Variants in DPYSL2 observed in about 807,000 individuals in gnomAD.
DPYSL2 encodes dihydropyrimidinase-related protein 2.
DPYSL2 carries 13 observed loss-of-function variants against 69.9 expected under a neutral mutation model. The ratio of observed to expected loss-of-function variants is 0.19; its 90% CI spans 0.12 to 0.30. The LOEUF is 0.30. DPYSL2 is among the 10% of genes least tolerant of loss of function. The pLI is 1.00. For missense variants in DPYSL2, 587 were observed against 918.9 expected, an observed-to-expected ratio of 0.64 and a Z score of 4.67; for synonymous variants, 326 against 359.1, an observed-to-expected ratio of 0.91 and a Z score of 1.04.
rs565046555 is a variant in DPYSL2 at position 26,562,990 on chromosome 8, G to A, written c.355-18979G>A. The stretch of plus-strand genomic sequence containing the variant: ...TTCAGCTTCTTTACAGCATGGTGGC[G>A]TTAGGGTAGCTGGATTTCCCACACC... On this transcript the variant is annotated intron_variant, in intron 1 of 13. Transcript: ENST00000521913. This position sits in a 1 kb window ranked among gnomAD's most constrained non-coding sequence, Gnocchi z 4.9. Among the ~76,000 whole-genome samples, 75 of 152,112 alleles carry A rather than the reference G, an allele frequency of 4.9e-4. No individual in the cohort carries two copies. Among genetic ancestry groups the A allele is most frequent in the Middle Eastern group, 3.2e-3 (1 of 316 alleles).
chr8:26,574,690 T>A (rs2129700868), intron 1 of DPYSL2, among the ~76,000 whole-genome samples: 1 of 152,332 alleles, frequency 6.6e-6, no homozygotes, highest in South Asian at 2.1e-4. Flanking sequence ...CAAATAATAA[T>A]TCATAATTTT....
chr8:26,536,308 C>T (rs1800591723), intron 1 of DPYSL2, among the ~76,000 whole-genome samples: 1 of 151,814 alleles, frequency 6.6e-6, no homozygotes, highest in Non-Finnish European at 1.5e-5. Context: ...AACTTCTGGG[C>T]TCAGCCTCCC....
chr8:26,535,790 G>A (rs1488987642), intron 1 of DPYSL2, among the ~76,000 whole-genome samples: 1 of 152,100 alleles, frequency 6.6e-6, no homozygotes, highest in Non-Finnish European at 1.5e-5. Flanking sequence ...AGTATATTCT[G>A]TGGCAACAAC....
chr8:26,541,341 C>G (rs776309132), intron 1 of DPYSL2, among the ~76,000 whole-genome samples: 15 of 152,148 alleles, frequency 9.9e-5, no homozygotes, highest in Non-Finnish European at 1.9e-4. Context: ...TAGTTTTTCT[C>G]AAACAAACAA....
chr8:26,556,176 G>T (rs368764693), intron 1 of DPYSL2, among the ~76,000 whole-genome samples: 1 of 3,374 alleles, frequency 3.0e-4, no homozygotes, highest in Non-Finnish European at 6.3e-4. Flanking sequence ...ACTATATATA[G>T]TATATACTAT....
intron 1 of DPYSL2, chr8:26,577,223 G>A (rs1053503673): frequency 3.1e-5 from 13 of 417,478 alleles, no homozygotes; most frequent in Admixed American, 5.3e-5. Context: ...CCCCCGGCCC[G>A]CGCCCATTCC....
intron 8 of DPYSL2, 73 bp downstream of exon 8, chr8:26,634,973 G>A: frequency 6.3e-7 from 1 of 1,587,726 alleles, no homozygotes; most frequent in Non-Finnish European, 8.6e-7. Flanking sequence ...TCACTAGGGA[G>A]GGCTCCTTTT....
intron 1 of DPYSL2, among the ~76,000 whole-genome samples, chr8:26,558,339 T>C (rs982141176): frequency 1.3e-5 from 2 of 152,200 alleles, no homozygotes; most frequent in African/African-American, 4.8e-5. Context: ...GAAGCCTATC[T>C]GAAAAGGCTA....
rs1803027747 is a variant in DPYSL2, at chr8:26,641,009, A to G, written c.1127-2430A>G. 6.6e-6 allele frequency among the ~76,000 whole-genome samples: 1 copy of G among 152,196 alleles called. No individual in the cohort carries two copies. Among genetic ancestry groups the G allele is most frequent in the African/African-American group, 2.4e-5 (1 of 41,460 alleles). On this transcript the variant is annotated intron_variant, in intron 8 of 13. Transcript: ENST00000521913. This position sits in a 1 kb window ranked among gnomAD's most constrained non-coding sequence, Gnocchi z 4.1. ...AGGGGAATCCAGCTCCTCATAGAGCAGCTCCCCACCCCAAGCTGAGTTGTG... is the reference window on the plus strand; with the variant it reads ...AGGGGAATCCAGCTCCTCATAGAGCGGCTCCCCACCCCAAGCTGAGTTGTG...
intron 7 of DPYSL2, among the ~76,000 whole-genome samples, chr8:26,631,567 C>G (rs142577363): frequency 1.3e-5 from 2 of 152,192 alleles, no homozygotes; most frequent in Admixed American, 1.3e-4. Context: ...GAAATTGAAA[C>G]CATTTTTACG....
intron 1 of DPYSL2, among the ~76,000 whole-genome samples, chr8:26,556,875 T>C (rs1322161066): frequency 1.3e-5 from 2 of 152,078 alleles, no homozygotes; most frequent in African/African-American, 4.8e-5. Flanking sequence ...GTGTGGTAGA[T>C]AAACAGATCA....
At chr8:26,577,055 G>C in intron 1 of DPYSL2, 2 of 403,980 alleles carry the variant, frequency 5.0e-6, no homozygotes, top group Non-Finnish European at 4.9e-6. Context: ...CCTCGCGGCC[G>C]GAAGGCACAA....
At chr8:26,589,258 G>A (rs1801669272) in intron 3 of DPYSL2, among the ~76,000 whole-genome samples, 1 of 152,198 alleles carries the variant, frequency 6.6e-6, no homozygotes, top group Admixed American at 6.5e-5. Flanking sequence ...CCCATTCACT[G>A]ATCTCCTGTG....
rs1801114375 is a variant in DPYSL2, at chr8:26,564,148, A to G, written c.355-17821A>G. Among the ~76,000 whole-genome samples, 1 of 152,240 alleles carries G rather than the reference A, an allele frequency of 6.6e-6. No individual in the cohort carries two copies. Among genetic ancestry groups the G allele is most frequent in the Admixed American group, 6.5e-5 (1 of 15,288 alleles). ...GTATCACAATGAGCTCAGTTAAAATAAAGATCACAAAGTGCGCATTAGCTT... is the reference window on the plus strand; with the variant it reads ...GTATCACAATGAGCTCAGTTAAAATGAAGATCACAAAGTGCGCATTAGCTT... On this transcript the variant is annotated intron_variant, in intron 1 of 13. Transcript: ENST00000521913. The surrounding 1 kb of genome is among the most constrained non-coding windows in gnomAD (Gnocchi z 4.8).
Position 26,624,452 on chromosome 8 carries a change from T to G in DPYSL2, c.793+145T>G. 1 of 1,044,594 alleles carries G rather than the reference T, an allele frequency of 9.6e-7. No individual in the cohort carries two copies. Among genetic ancestry groups the G allele is most frequent in the South Asian group, 1.6e-5 (1 of 64,020 alleles). 64.7% of individuals were successfully genotyped at this position (1,044,594 alleles called of 1,614,324 possible). Reference sequence around the variant, plus strand: ...TGCCCCTGGGAAGGAGAGAGGGCTTTGGGCCGCAGCTTATGCTGTTTGGAG... The same window carrying G: ...TGCCCCTGGGAAGGAGAGAGGGCTTGGGGCCGCAGCTTATGCTGTTTGGAG... On this transcript the variant is annotated intron_variant, in intron 4 of 13. Coordinates refer to ENST00000521913, the MANE Select transcript of DPYSL2 (RefSeq NM_001197293.3). This position sits in a 1 kb window ranked among gnomAD's most constrained non-coding sequence, Gnocchi z 4.7.
chr8:26,584,605 G>A (rs1444625096), intron 3 of DPYSL2, among the ~76,000 whole-genome samples: 1 of 146,790 alleles, frequency 6.8e-6, no homozygotes, highest in Non-Finnish European at 1.5e-5. Flanking sequence ...TGCTCCAAGG[G>A]CTTTGTGCTT....
chr8:26,525,927 T>C (rs1808468576), intron 1 of DPYSL2, among the ~76,000 whole-genome samples: 2 of 152,230 alleles, frequency 1.3e-5, no homozygotes, highest in Non-Finnish European at 2.9e-5. Context: ...ATTTTTAAAA[T>C]AGTCTTTCTA....
At chr8:26,550,938 G>A (rs1800865254) in intron 1 of DPYSL2, among the ~76,000 whole-genome samples, 1 of 152,150 alleles carries the variant, frequency 6.6e-6, no homozygotes, top group African/African-American at 2.4e-5. Context: ...TGGATATCTT[G>A]CCTCTGGAAG....
chr8:26,612,786 A>G (rs936469316), intron 3 of DPYSL2, among the ~76,000 whole-genome samples: 5 of 152,226 alleles, frequency 3.3e-5, no homozygotes, highest in Non-Finnish European at 7.3e-5. Flanking sequence ...ATGCATAGAA[A>G]TGCCTAGAAG....
Sources: allele counts gnomAD v4.1 joint callset (sites outside exome capture counted in the v4.1 genomes callset), GRCh38; gene constraint gnomAD v4.1.1; non-coding constraint Gnocchi (gnomAD v3.1); transcripts MANE v1.5; gene names NCBI Gene and HGNC (gene_info 2026-07-23, HGNC 2026-07-21).